The following ZNF385D variants were observed in gnomAD, a reference collection of about 807,000 sequenced individuals.
ZNF385D encodes zinc finger protein 659.
In ZNF385D, 15 loss-of-function variants were observed where a neutral mutation model predicts 35.8. The ratio of observed to expected loss-of-function variants is 0.42; its 90% confidence interval spans 0.28 to 0.64. ZNF385D has a LOEUF of 0.64. ZNF385D is among the 30% of genes least tolerant of loss of function. ZNF385D has a pLI of 0.23. For synonymous variants in ZNF385D, 212 were observed against 186.8 expected (o/e 1.13, Z -1.10); for missense variants, 474 against 494.6 (o/e 0.96, Z 0.39).
rs184213560 is a variant in ZNF385D, at chr3:21,966,487, A to G, written c.325+202330T>C. On this transcript the variant is annotated intron_variant, in intron 3 of 5. Transcript: ENST00000494108. The stretch of plus-strand genomic sequence containing the variant: ...ATTCATCACATCCAGCAGAGGCTTT[A>G]TAATCAGAAATTGTTCACTGTATTC... 1.6e-4 allele frequency among the ~76,000 whole-genome samples: 24 copies of G among 152,308 alleles called. No homozygotes were observed. In the East Asian group the frequency reaches 4.4e-3, roughly 28 times the overall value.
chr3:21,935,931 T>C (rs1701235196), intron 3 of ZNF385D, among the ~76,000 whole-genome samples: 1 of 152,056 alleles, frequency 6.6e-6, no homozygotes, highest in African/African-American at 2.4e-5. Context: ...TTTTAAAGGG[T>C]CTTGAATGTT....
chr3:21,832,416 G>A (rs929153294), intron 3 of ZNF385D, among the ~76,000 whole-genome samples: 1 of 152,132 alleles, frequency 6.6e-6, no homozygotes, highest in African/African-American at 2.4e-5. Flanking sequence ...GCTAGGGCTT[G>A]CTGTGTGTTT....
intron 2 of ZNF385D, among the ~76,000 whole-genome samples, chr3:22,225,468 C>A (rs1008544507): frequency 1.3e-5 from 2 of 152,148 alleles, no homozygotes; most frequent in Non-Finnish European, 2.9e-5. Context: ...CAGCTTTCAA[C>A]CAATGGCTGG....
chr3:21,981,358 T>C (rs942604416), intron 3 of ZNF385D, among the ~76,000 whole-genome samples: 4 of 152,182 alleles, frequency 2.6e-5, no homozygotes, highest in Admixed American at 2.0e-4. Context: ...GATGGCTGCC[T>C]GCATGTCTTC....
intron 3 of ZNF385D, among the ~76,000 whole-genome samples, chr3:21,851,939 GC>G (rs1696411445): frequency 6.6e-6 from 1 of 151,872 alleles, no homozygotes; most frequent in African/African-American, 2.4e-5. Flanking sequence ...TTGTCTTGTT[GC>G]CCTGTTACAA....
chr3:21,847,053 G>C (rs1167203289), intron 3 of ZNF385D, among the ~76,000 whole-genome samples: 3 of 151,950 alleles, frequency 2.0e-5, no homozygotes, highest in East Asian at 1.9e-4. Context: ...GCTTCAACCT[G>C]AACTTTTTCA....
chr3:22,328,847 G>T (rs1346235936), intron 2 of ZNF385D, among the ~76,000 whole-genome samples: 1 of 151,110 alleles, frequency 6.6e-6, no homozygotes, highest in Non-Finnish European at 1.5e-5. Context: ...AAGCCGAGGC[G>T]GGCGGATCAC....
At chr3:21,665,593 G>A (rs1044859347) in intron 1 of ZNF385D, among the ~76,000 whole-genome samples, 4 of 152,144 alleles carry the variant, frequency 2.6e-5, no homozygotes, top group African/African-American at 9.7e-5. Context: ...GTGCTACGAC[G>A]ATGTCTGAAC....
intron 2 of ZNF385D, among the ~76,000 whole-genome samples, chr3:21,601,017 A>G (rs2064271886): frequency 6.6e-6 from 1 of 152,172 alleles, no homozygotes; most frequent in South Asian, 2.1e-4. Context: ...GTAGAAGCCT[A>G]TGGAACACTT....
intron 4 of ZNF385D, among the ~76,000 whole-genome samples, chr3:21,478,379 T>G (rs1704384267): frequency 6.6e-6 from 1 of 152,102 alleles, no homozygotes; most frequent in African/African-American, 2.4e-5. Context: ...CAATTGACTT[T>G]GGTAAAAAGG....
intron 3 of ZNF385D, among the ~76,000 whole-genome samples, chr3:21,908,897 A>T (rs1021114918): frequency 2.6e-5 from 4 of 152,138 alleles, no homozygotes; most frequent in African/African-American, 9.6e-5. Context: ...TGACTACAGA[A>T]TATGAAAATT....
At chr3:21,869,253 A>T (rs1697554778) in intron 3 of ZNF385D, among the ~76,000 whole-genome samples, 1 of 152,144 alleles carries the variant, frequency 6.6e-6, no homozygotes, top group Non-Finnish European at 1.5e-5. Context: ...CAGAGATACA[A>T]TGTCAAATAG....
intron 2 of ZNF385D, chr3:21,579,514 G>A (rs2063590117): frequency 1.3e-5 from 2 of 151,950 alleles, no homozygotes; most frequent in Admixed American, 6.6e-5. Flanking sequence ...ATTAAAGGGA[G>A]GGATTTATTC....
intron 2 of ZNF385D, among the ~76,000 whole-genome samples, chr3:22,321,286 C>G (rs897198847): frequency 6.8e-6 from 1 of 147,682 alleles, no homozygotes; most frequent in Admixed American, 6.8e-5. Flanking sequence ...TTTTGTATAA[C>G]CTTTTTTAAA....
intron 3 of ZNF385D, among the ~76,000 whole-genome samples, chr3:21,838,571 C>A (rs1423301877): frequency 1.3e-5 from 2 of 152,052 alleles, no homozygotes; most frequent in African/African-American, 4.8e-5. Flanking sequence ...ACAATAGCGG[C>A]TTTGAGTGTC....
rs536844113 is a variant in ZNF385D, at chr3:22,147,942, A to C, written c.325+20875T>G. ...TCCAATACAGAAAAAAAGTCGATCT[A>C]AAGTATGAGGATTTAGCAAAGATGT... On this transcript the variant is annotated intron_variant, in intron 3 of 5. Coordinates refer to the ZNF385D transcript ENST00000494108. 8.5e-5 allele frequency among the ~76,000 whole-genome samples: 13 copies of C among 152,332 alleles called. No individual in the cohort carries two copies. The South Asian group carries it at 2.7e-3, about 32-fold the overall frequency.
chr3:21,787,593 G>A (rs894870485), intron 3 of ZNF385D, among the ~76,000 whole-genome samples: 2 of 152,000 alleles, frequency 1.3e-5, no homozygotes, highest in Non-Finnish European at 2.9e-5. Flanking sequence ...CATTTTGGAG[G>A]CTGTCAAGGA....
chr3:21,509,564 C>A lies in ZNF385D; in HGVS notation c.439+1297G>T, dbSNP rs373608268. ...CTGGATAACAAAGAAGTGAATATGA[C>A]AAGCCTGTCTTTTTTTTTCCTCTTT... is the stretch of plus-strand genomic sequence containing the variant. On this transcript the variant is annotated intron_variant, in intron 4 of 7. Transcript: ENST00000281523. Among the ~76,000 whole-genome samples, 32 of 152,282 alleles carry A rather than the reference C, an allele frequency of 2.1e-4. 1 individual carries two copies. In the East Asian group the frequency reaches 2.7e-3, roughly 13 times the overall value.
intron 3 of ZNF385D, among the ~76,000 whole-genome samples, chr3:21,812,293 G>A (rs1310748404): frequency 1.3e-5 from 2 of 152,242 alleles, no homozygotes; most frequent in Non-Finnish European, 2.9e-5. Flanking sequence ...TGACGCAGAA[G>A]ATGGGTGATT....
Sources: allele counts gnomAD v4.1 joint callset (sites outside exome capture counted in the v4.1 genomes callset), GRCh38; gene constraint gnomAD v4.1.1; transcripts MANE v1.5; gene names NCBI Gene and HGNC (gene_info 2026-07-23, HGNC 2026-07-21).